TM9SF2: variants seen among roughly 807,000 people sequenced by gnomAD.
TM9SF2 encodes transmembrane 9 superfamily member 2, also known as 76 kDa membrane protein.
In TM9SF2, 13 loss-of-function variants were observed where a neutral mutation model predicts 84.9. The ratio of observed to expected loss-of-function variants is 0.15; its 90% CI spans 0.10 to 0.24. TM9SF2 has a LOEUF of 0.24. TM9SF2 is among the 10% of genes least tolerant of loss of function. TM9SF2 has a pLI of 1.00. For missense variants in TM9SF2, 562 were observed against 818.5 expected, an observed-to-expected ratio of 0.69 and a Z score of 3.82; for synonymous variants, 273 against 285.8, an observed-to-expected ratio of 0.96 and a Z score of 0.45.
chr13:99,515,762 T>C (rs1164189388), intron 1 of TM9SF2, among the ~76,000 whole-genome samples: 1 of 147,000 alleles, frequency 6.8e-6, no homozygotes, highest in Non-Finnish European at 1.5e-5. Context: ...AAACGGAGTT[T>C]CGCTCTGTTG....
chr13:99,528,433 T>G (rs2046193648), intron 3 of TM9SF2, among the ~76,000 whole-genome samples: 1 of 152,240 alleles, frequency 6.6e-6, no homozygotes, highest in Non-Finnish European at 1.5e-5. Flanking sequence ...TGTTACCTAT[T>G]ACTACATTAA....
chr13:99,533,587 G>A (rs1814278615), intron 4 of TM9SF2, among the ~76,000 whole-genome samples: 1 of 152,186 alleles, frequency 6.6e-6, no homozygotes, highest in South Asian at 2.1e-4. Context: ...CCGTGCTGTA[G>A]TTTATTATTC....
intron 1 of TM9SF2, among the ~76,000 whole-genome samples, chr13:99,508,966 C>G (rs1194530894): frequency 6.6e-6 from 1 of 152,164 alleles, no homozygotes; most frequent in Non-Finnish European, 1.5e-5. Context: ...TACAATCATG[C>G]CTTCCTAATA....
intron 1 of TM9SF2, among the ~76,000 whole-genome samples, chr13:99,502,540 T>C (rs1223665302): frequency 6.6e-6 from 1 of 152,224 alleles, no homozygotes; most frequent in Non-Finnish European, 1.5e-5. Flanking sequence ...AACTGGTGTT[T>C]TCCTAGGGCA....
At chr13:99,526,491 T>C (rs2046184130) in intron 3 of TM9SF2, among the ~76,000 whole-genome samples, 1 of 152,138 alleles carries the variant, frequency 6.6e-6, no homozygotes, top group South Asian at 2.1e-4. Context: ...GAAAAGACTG[T>C]AGGATCTGTC....
At chr13:99,521,643 A>G (rs2046160708) in intron 3 of TM9SF2, among the ~76,000 whole-genome samples, 1 of 152,190 alleles carries the variant, frequency 6.6e-6, no homozygotes, top group Non-Finnish European at 1.5e-5. Context: ...CACTGTGCAA[A>G]TTTAATCCAC....
chr13:99,527,740 T>G (rs1302164490), intron 3 of TM9SF2, among the ~76,000 whole-genome samples: 2 of 152,226 alleles, frequency 1.3e-5, no homozygotes, highest in Non-Finnish European at 2.9e-5. Context: ...TAAAAGCTGG[T>G]GGTGAGATAC....
At chr13:99,539,581 A>G (rs1167562940) in intron 7 of TM9SF2, 24 bp downstream of exon 7, 2 of 1,379,226 alleles carry the variant, frequency 1.5e-6, no homozygotes, top group East Asian at 2.3e-5. Flanking sequence ...TATCTTTAGT[A>G]TAACTCTGAA....
chr13:99,559,004 A>C (rs1010399361), intron 15 of TM9SF2, among the ~76,000 whole-genome samples: 1 of 152,240 alleles, frequency 6.6e-6, no homozygotes, highest in African/African-American at 2.4e-5. Flanking sequence ...ACTTTAATAC[A>C]AGTAGTATTA....
chr13:99,527,819 G>A lies in TM9SF2; in HGVS notation c.334-1648G>A, dbSNP rs551679677. Among the ~76,000 whole-genome samples, 62 of 152,282 alleles carry A rather than the reference G, an allele frequency of 4.1e-4. 1 individual carries two copies. In the South Asian group the frequency reaches 7.5e-3, roughly 18 times the overall value. On this transcript the variant is annotated intron_variant, in intron 3 of 16. Transcript: ENST00000376387. Reference sequence around the variant, plus strand: ...AGCATGCTAGGTGTTTTGCACACACGTTTCTGTATTTAATCCAACAACCCT... The same window carrying A: ...AGCATGCTAGGTGTTTTGCACACACATTTCTGTATTTAATCCAACAACCCT...
intron 1 of TM9SF2, among the ~76,000 whole-genome samples, chr13:99,513,801 G>T (rs1033983670): frequency 2.0e-5 from 3 of 152,188 alleles, no homozygotes; most frequent in African/African-American, 7.2e-5. Flanking sequence ...TAAAATATCA[G>T]TGCCGTAAGT....
rs34847688 is a variant in TM9SF2 at position 99,518,763 on chromosome 13, A to ATT, written c.239+1104_239+1105dup. Among the ~76,000 whole-genome samples, 19 of 128,622 alleles carry ATT rather than the reference A, an allele frequency of 1.5e-4. No homozygotes were observed. In the East Asian group the frequency reaches 1.7e-3, roughly 11 times the overall value. The allele number at this position is 128,622 out of a possible 152,430, so 84.4% of individuals were successfully genotyped here. A position where few individuals can be genotyped will look rare whatever the true frequency, so the allele number is the denominator to read the frequency against. On this transcript the variant is annotated intron_variant, in intron 2 of 16. Transcript: ENST00000376387. ...AGGCGTGTGCAACCATGCCCAGCTA[A>ATT]TTTTTTTTTTTTTTTTTTTTTTTAA...
chr13:99,557,491 G>A (rs905812075), intron 15 of TM9SF2, among the ~76,000 whole-genome samples: 2 of 151,970 alleles, frequency 1.3e-5, no homozygotes, highest in African/African-American at 4.8e-5. Flanking sequence ...TCTTGATAAT[G>A]TCCTTTGCAC....
intron 1 of TM9SF2, among the ~76,000 whole-genome samples, chr13:99,510,869 A>G (rs2139071777): frequency 6.6e-6 from 1 of 152,334 alleles, no homozygotes. Context: ...GTCATCCAAA[A>G]TGTCTAGTAT....
intron 10 of TM9SF2, among the ~76,000 whole-genome samples, chr13:99,544,929 C>T (rs574228816): frequency 9.2e-5 from 14 of 151,986 alleles, no homozygotes; most frequent in African/African-American, 2.9e-4. Flanking sequence ...AGGGATTGTT[C>T]TGAAACTACC....
At chr13:99,556,444 TCTG>T (rs1167732006) in intron 15 of TM9SF2, among the ~76,000 whole-genome samples, 28 of 152,336 alleles carry the variant, frequency 1.8e-4, no homozygotes, top group Non-Finnish European at 3.4e-4. Flanking sequence ...CTGCTTTCTG[TCTG>T]TTTCGCCTGT....
In TM9SF2 at chr13:99,528,470, C is replaced by T. The variant is rs1006613508; in HGVS notation, c.334-997C>T. On this transcript the variant is annotated intron_variant, in intron 3 of 16. Coordinates refer to ENST00000376387, the MANE Select transcript of TM9SF2 (RefSeq NM_004800.3). ...GTCACCTTAGTCTTGCTATTTCCTT[C>T]ACAATTGAACACACAGGTTGACTCA... 5.9e-5 allele frequency among the ~76,000 whole-genome samples: 9 copies of T among 152,328 alleles called. No homozygotes were observed. The Middle Eastern group carries it at 0.01, about 173-fold the overall frequency.
Position 99,555,599 on chromosome 13 carries a change from C to T in TM9SF2, c.1704C>T (p.Thr568=), listed in dbSNP as rs1331836484. Residue 568 remains threonine, a synonymous_variant, in exon 15 of 17, where the codon ACC becomes ACT. Transcript: ENST00000376387. ...TGGTGTTTATCATTTTGGTTATTAC[C>T]TGTTCTGAAGCAACTATACTTCTTT... ...LFLVFIILVI[T]CSEATILLCY... is the part of the protein sequence containing the mutation. 8 of 1,613,854 alleles carry T rather than the reference C, an allele frequency of 5.0e-6. No homozygotes were observed. The highest frequency in any genetic ancestry group is 6.8e-6 in the Non-Finnish European group (8 of 1,179,916).
chr13:99,523,198 C>T (rs1354693180), intron 3 of TM9SF2, among the ~76,000 whole-genome samples: 3 of 152,134 alleles, frequency 2.0e-5, no homozygotes, highest in African/African-American at 2.4e-5. Context: ...TTGAGTCTCA[C>T]GCTGTGGCCT....
Sources: gnomAD v4.1 joint callset for allele counts (sites outside exome capture counted in the v4.1 genomes callset) on GRCh38, gnomAD v4.1.1 for gene constraint, MANE v1.5 for transcripts, NCBI Gene and HGNC (gene_info 2026-07-23, HGNC 2026-07-21) for gene names.